The following SEC14L5 variants were observed in gnomAD, a reference collection of about 807,000 sequenced individuals.
The protein encoded by SEC14L5 is SEC14-like protein 5.
A neutral mutation model predicts 84.6 loss-of-function variants in SEC14L5; 96 were observed. The ratio of observed to expected loss-of-function variants is 1.13; its 90% CI spans 0.96 to 1.34. SEC14L5 has a LOEUF of 1.34. SEC14L5 is among the 40% of genes most tolerant of loss of function. The probability of loss-of-function intolerance (pLI) is 0.00; values close to 1 mark genes in which losing one functional copy is unlikely to be tolerated. For synonymous variants in SEC14L5, 546 were observed against 383.4 expected (o/e 1.42, Z -4.95); for missense variants, 1,224 against 942.5 (o/e 1.30, Z -3.91).
At chr16:5,005,824 A>G (rs1955724116) in intron 11 of SEC14L5, 90 bp from the exon 12 acceptor site, 3 of 1,287,280 alleles carry the variant, frequency 2.3e-6, no homozygotes, top group East Asian at 2.6e-5. Flanking sequence ...AGATCATGCC[A>G]CTGCACTCCA....
At chr16:4,965,594 G>T (rs1955190019) in intron 2 of SEC14L5, among the ~76,000 whole-genome samples, 1 of 145,868 alleles carries the variant, frequency 6.9e-6, no homozygotes, top group Admixed American at 7.1e-5. Context: ...CCGGGAGGCG[G>T]AGCTTGCACT....
intron 13 of SEC14L5, among the ~76,000 whole-genome samples, chr16:5,007,863 C>T (rs1955750657): frequency 6.6e-6 from 1 of 151,326 alleles, no homozygotes; most frequent in Non-Finnish European, 1.5e-5. Flanking sequence ...GCCTAGGCCT[C>T]CCAAAGTTCT....
At chr16:4,987,481 G>T in intron 2 of SEC14L5, 76 bp from the exon 3 acceptor site, 1 of 1,282,076 alleles carries the variant, frequency 7.8e-7, no homozygotes, top group South Asian at 1.4e-5. Context: ...TGACACAGCA[G>T]ATAAGGAGGT....
rs1955900178 is a variant in SEC14L5, at chr16:5,018,678, C to T, written c.*3708C>T. 1 of 152,136 alleles carries T rather than the reference C, an allele frequency of 6.6e-6. No individual in the cohort carries two copies. The highest frequency in any genetic ancestry group is 2.4e-5 in the African/African-American group (1 of 41,420). The allele number at this position is 152,136 out of a possible 1,614,324, so 9.4% of individuals were successfully genotyped here. A position where few individuals can be genotyped will look rare whatever the true frequency, so the allele number is the denominator to read the frequency against. ...CTGTCTCAAAAAAAGAAGAAAGAAG[C>T]TGCTTGTGTTTTCTGGGTAAGTCCA... On this transcript the variant is annotated 3_prime_UTR_variant, in exon 16 of 16. Transcript: ENST00000251170.
At chr16:5,007,982 A>G (rs1018745187) in intron 13 of SEC14L5, among the ~76,000 whole-genome samples, 1 of 143,808 alleles carries the variant, frequency 7.0e-6, no homozygotes, top group African/African-American at 2.6e-5. Flanking sequence ...ATGTTGGCTC[A>G]CTGCAACTTC....
intron 6 of SEC14L5, 21 bp downstream of exon 6, chr16:4,992,051 C>T: frequency 6.6e-7 from 1 of 1,510,668 alleles, no homozygotes; most frequent in Middle Eastern, 2.2e-4. Flanking sequence ...CAGCCCAGGC[C>T]AGTCAGCCCT....
chr16:4,962,970 A>C (rs1450132506), intron 2 of SEC14L5, among the ~76,000 whole-genome samples: 1 of 152,220 alleles, frequency 6.6e-6, no homozygotes. Context: ...TTCGCAGTTA[A>C]ACACTTGCCC....
intron 11 of SEC14L5, among the ~76,000 whole-genome samples, chr16:5,004,897 C>T (rs1286613048): frequency 1.3e-5 from 2 of 152,200 alleles, no homozygotes; most frequent in East Asian, 1.9e-4. Flanking sequence ...GAATAGCATT[C>T]GTCCATAAGA....
At position 5,015,215 on chromosome 16, in the gene SEC14L5, A is replaced by G. The variant is rs1251783428; in HGVS notation, c.*245A>G. 8 of 527,992 alleles carry G rather than the reference A, an allele frequency of 1.5e-5. No individual in the cohort carries two copies. In the African/African-American group the frequency reaches 1.5e-4, roughly 10 times the overall value. The allele number at this position is 527,992 out of a possible 1,614,324, so 32.7% of individuals were successfully genotyped here. Reference sequence around the variant, plus strand: ...GGCTTCGTGTAAGGAAGACCAAGCCAAGGCCAAGGTGTCTACCATACCACA... The same window carrying G: ...GGCTTCGTGTAAGGAAGACCAAGCCGAGGCCAAGGTGTCTACCATACCACA... On this transcript the variant is annotated 3_prime_UTR_variant, in exon 16 of 16. Transcript: ENST00000251170.
intron 11 of SEC14L5, among the ~76,000 whole-genome samples, chr16:5,003,918 G>A (rs1056533809): frequency 3.9e-5 from 6 of 152,178 alleles, no homozygotes; most frequent in African/African-American, 7.2e-5. Flanking sequence ...GAGCCACTGC[G>A]CCTGACCTGA....
At chr16:4,997,370 G>A (rs1055086973) in intron 8 of SEC14L5, among the ~76,000 whole-genome samples, 1 of 152,210 alleles carries the variant, frequency 6.6e-6, no homozygotes, top group Non-Finnish European at 1.5e-5. Context: ...AAAGTGTTGG[G>A]ATTACAGGCA....
At chr16:4,989,842 TG>T (rs538859912) in intron 4 of SEC14L5, among the ~76,000 whole-genome samples, 1 of 152,216 alleles carries the variant, frequency 6.6e-6, no homozygotes, top group East Asian at 2.0e-4. Flanking sequence ...TGCAGATTCC[TG>T]GGCCCCAACC....
chr16:5,012,176 G>A (rs1043363407), intron 15 of SEC14L5, among the ~76,000 whole-genome samples: 2 of 152,122 alleles, frequency 1.3e-5, no homozygotes, highest in East Asian at 1.9e-4. Context: ...GGGGGCTGGC[G>A]ATTCACTCTT....
At chr16:4,984,336 C>T (rs1249747594) in intron 2 of SEC14L5, among the ~76,000 whole-genome samples, 2 of 152,206 alleles carry the variant, frequency 1.3e-5, no homozygotes, top group South Asian at 2.1e-4. Flanking sequence ...AATATTTTCA[C>T]AGTTCATCCA....
intron 2 of SEC14L5, among the ~76,000 whole-genome samples, chr16:4,964,483 G>A (rs754830332): frequency 3.9e-5 from 6 of 152,064 alleles, no homozygotes; most frequent in Non-Finnish European, 7.4e-5. Context: ...CTAGTCGGGA[G>A]GCTGAGGCAG....
chr16:4,983,834 G>A (rs565115793), intron 2 of SEC14L5, among the ~76,000 whole-genome samples: 20 of 151,606 alleles, frequency 1.3e-4, no homozygotes, highest in South Asian at 4.2e-4. Flanking sequence ...CCGAGATCGC[G>A]CCATTGTACT....
At chr16:4,990,670 C>T in intron 4 of SEC14L5, 97 bp from the exon 5 acceptor site, 1 of 1,247,522 alleles carries the variant, frequency 8.0e-7, no homozygotes, top group Non-Finnish European at 1.1e-6. Flanking sequence ...CTTTCCACTG[C>T]AGGCTCTGCC....
At chr16:5,012,719 A>C (rs1371669128) in intron 15 of SEC14L5, among the ~76,000 whole-genome samples, 1 of 152,126 alleles carries the variant, frequency 6.6e-6, no homozygotes, top group Non-Finnish European at 1.5e-5. Context: ...AGCCTAGCCA[A>C]CATGGCGAAA....
rs79380172 is a variant in SEC14L5 at position 4,969,180 on chromosome 16, T to C, written c.63+9794T>C. Among the ~76,000 whole-genome samples the C allele has an allele frequency of 5.5e-3, 833 of 152,344 alleles. 5 individuals carry two copies. Among genetic ancestry groups the C allele is most frequent in the African/African-American group, 0.018 (757 of 41,596 alleles). On this transcript the variant is annotated intron_variant, in intron 2 of 15. Transcript: ENST00000251170. ...AGAGGTGATCCACTGCCCTGCATAGTTGTCTTCTGATTTCCGAGGGCCCTG... is the reference window on the plus strand; with the variant it reads ...AGAGGTGATCCACTGCCCTGCATAGCTGTCTTCTGATTTCCGAGGGCCCTG...
Sources: allele counts gnomAD v4.1 joint callset (sites outside exome capture counted in the v4.1 genomes callset), GRCh38; gene constraint gnomAD v4.1.1; transcripts MANE v1.5; gene names NCBI Gene and HGNC (gene_info 2026-07-23, HGNC 2026-07-21).